The following PALM2AKAP2 variants were observed in gnomAD, a reference collection of about 807,000 sequenced individuals.
The protein encoded by PALM2AKAP2 is PALM2 and AKAP2 fusion, also known as PALM2-AKAP2 fusion protein.
Under a neutral mutation model 71.5 loss-of-function variants are expected in PALM2AKAP2, and 37 were observed. The ratio of observed to expected loss-of-function variants is 0.52; its 90% CI spans 0.40 to 0.68. The LOEUF (loss-of-function observed/expected upper bound fraction) is 0.68, where lower values mean the gene tolerates loss of function less well. Among genes scored for constraint, PALM2AKAP2 ranks in the 30% least tolerant of loss-of-function variants. The probability of loss-of-function intolerance (pLI) is 0.00; values close to 1 mark genes in which losing one functional copy is unlikely to be tolerated. For synonymous variants in PALM2AKAP2, 468 were observed against 478.8 expected (o/e 0.98, Z 0.29); for missense variants, 1,224 against 1,191.8 (o/e 1.03, Z -0.40).
In PALM2AKAP2 at chr9:110,005,258, G is replaced by A. The variant is rs550836988; in HGVS notation, c.497-10696G>A. Among the ~76,000 whole-genome samples, 193 of 152,364 alleles carry A rather than the reference G, an allele frequency of 1.3e-3. 1 individual carries two copies. Among genetic ancestry groups the A allele is most frequent in the African/African-American group, 4.4e-3 (185 of 41,584 alleles). Reference sequence around the variant, plus strand: ...TTCCTTCTAACAGTCAGGACCCTCAGCTGCAGGTCTGTTGGAGTTTGGTGA... The same window carrying A: ...TTCCTTCTAACAGTCAGGACCCTCAACTGCAGGTCTGTTGGAGTTTGGTGA... On this transcript the variant is annotated intron_variant, in intron 6 of 9. Transcript: ENST00000302798.
In PALM2AKAP2 at chr9:109,766,171, T is replaced by G. The variant is rs142730585; in HGVS notation, c.6-14317T>G. Among the ~76,000 whole-genome samples the G allele has an allele frequency of 1.7e-3, 254 of 152,310 alleles. 1 individual carries two copies. The highest frequency in any genetic ancestry group is 5.6e-3 in the African/African-American group (234 of 41,566). On this transcript the variant is annotated intron_variant, in intron 1 of 6. Transcript: ENST00000374531. ...TATGCACTGAGCACTTAGCTCTTTA[T>G]ATTGTGGAGCTCAGGGTCAACGTTT... is the stretch of plus-strand genomic sequence containing the variant.
chr9:109,971,283 C>CTTTTTTTTTTT (rs11392589), intron 6 of PALM2AKAP2, among the ~76,000 whole-genome samples: 1 of 45,678 alleles, frequency 2.2e-5, no homozygotes, highest in African/African-American at 1.2e-4. Flanking sequence ...CTCTTAGTCC[C>CTTTTTTTTTTT]TTTTTTTTTT....
chr9:109,764,415 C>T (rs1190736474), intron 1 of PALM2AKAP2, among the ~76,000 whole-genome samples: 2 of 152,114 alleles, frequency 1.3e-5, no homozygotes, highest in Non-Finnish European at 2.9e-5. Context: ...TTCTCTCTGC[C>T]TATATACTAC....
chr9:109,807,390 G>A (rs1827606390), intron 1 of PALM2AKAP2, among the ~76,000 whole-genome samples: 1 of 152,120 alleles, frequency 6.6e-6, no homozygotes, highest in African/African-American at 2.4e-5. Context: ...AGACTGGGTG[G>A]CTTATATACA....
In PALM2AKAP2 at chr9:110,014,800, AAAAATGTATATATATATATAT is replaced by A. The variant is rs1727320377; in HGVS notation, c.497-1152_497-1132del. 2.9e-4 allele frequency among the ~76,000 whole-genome samples: 15 copies of A among 51,708 alleles called. 1 individual carries two copies. The highest frequency in any genetic ancestry group is 1.0e-3 in the African/African-American group (14 of 13,712). The allele number at this position is 51,708 out of a possible 152,430, so 33.9% of individuals were successfully genotyped here. On this transcript the variant is annotated intron_variant, in intron 6 of 9. Coordinates refer to the PALM2AKAP2 transcript ENST00000302798. The stretch of plus-strand genomic sequence containing the variant: ...GTCTCAAAAAAAAAAAAAAAAAAAA[AAAAATGTATATATATATATAT>A]ATATATATATATATATATATATATA...
chr9:110,036,100 GT>G (rs1300981855), intron 7 of PALM2AKAP2, among the ~76,000 whole-genome samples: 1 of 151,738 alleles, frequency 6.6e-6, no homozygotes, highest in Admixed American at 6.6e-5. Context: ...CGCCCGGCTA[GT>G]TTTTTTGGTA....
At chr9:110,096,134 G>T (rs1007981098) in intron 1 of PALM2AKAP2, among the ~76,000 whole-genome samples, 1 of 152,218 alleles carries the variant, frequency 6.6e-6, no homozygotes, top group East Asian at 1.9e-4. Flanking sequence ...GAAACTGCAT[G>T]ATTAATGTCA....
intron 1 of PALM2AKAP2, among the ~76,000 whole-genome samples, chr9:110,108,138 G>A (rs1172826712): frequency 5.2e-5 from 6 of 116,458 alleles, no homozygotes; most frequent in African/African-American, 1.9e-4. Context: ...TTTTTGAGAT[G>A]GAGTTTTGCT....
At chr9:110,068,798 G>A (rs1388132921) in intron 1 of PALM2AKAP2, among the ~76,000 whole-genome samples, 2 of 152,180 alleles carry the variant, frequency 1.3e-5, no homozygotes, top group Non-Finnish European at 2.9e-5. Context: ...CTCCCAAAGT[G>A]TTGGGATTAT....
At chr9:109,695,048 T>G (rs1827950930) in intron 1 of PALM2AKAP2, among the ~76,000 whole-genome samples, 1 of 152,118 alleles carries the variant, frequency 6.6e-6, no homozygotes, top group Non-Finnish European at 1.5e-5. Flanking sequence ...CCAGATCAAA[T>G]ATTTAAATGT....
intron 3 of PALM2AKAP2, among the ~76,000 whole-genome samples, chr9:109,891,867 G>A (rs1830098215): frequency 6.6e-6 from 1 of 152,220 alleles, no homozygotes; most frequent in African/African-American, 2.4e-5. Context: ...GCATATGAAA[G>A]GGAGTGGTCA....
At chr9:109,943,664 C>T (rs1344048414) in intron 6 of PALM2AKAP2, 4 of 508,764 alleles carry the variant, frequency 7.9e-6, no homozygotes, top group African/African-American at 5.7e-5. Flanking sequence ...CTTGTGTCTT[C>T]AAGAGTGAAT....
At chr9:109,762,758 A>C (rs1283150801) in intron 1 of PALM2AKAP2, among the ~76,000 whole-genome samples, 1 of 152,242 alleles carries the variant, frequency 6.6e-6, no homozygotes, top group Non-Finnish European at 1.5e-5. Flanking sequence ...GAAATTTTAA[A>C]AAGGAAAATA....
chr9:109,923,089 C>G (rs1273796568), intron 3 of PALM2AKAP2, among the ~76,000 whole-genome samples: 1 of 152,200 alleles, frequency 6.6e-6, no homozygotes, highest in Non-Finnish European at 1.5e-5. Flanking sequence ...AGCTGCTATT[C>G]TGGAATATTT....
chr9:110,141,072 C>T (rs1267262186), intron 2 of PALM2AKAP2, among the ~76,000 whole-genome samples: 1 of 152,214 alleles, frequency 6.6e-6, no homozygotes, highest in Middle Eastern at 3.2e-3. Flanking sequence ...AACTTTATTT[C>T]TAGCACATAA....
chr9:109,793,093 A>G (rs10816867), intron 1 of PALM2AKAP2, among the ~76,000 whole-genome samples: 25,017 of 152,248 alleles, frequency 0.16, 2,702 homozygotes, highest in East Asian at 0.34. Flanking sequence ...TTTAAATAGT[A>G]GCATGTTTAT....
At chr9:110,024,570 G>C (rs1290859503) in intron 7 of PALM2AKAP2, among the ~76,000 whole-genome samples, 1 of 152,154 alleles carries the variant, frequency 6.6e-6, no homozygotes, top group East Asian at 1.9e-4. Context: ...GATCACTAGA[G>C]CCCAGGAGTT....
chr9:109,765,703 G>C (rs896496289), intron 1 of PALM2AKAP2: 1 of 152,226 alleles, frequency 6.6e-6, no homozygotes, highest in African/African-American at 2.4e-5. Context: ...TCTCAAACTT[G>C]AATTGTGCAC....
chr9:109,700,502 C>A (rs966178110), intron 1 of PALM2AKAP2, among the ~76,000 whole-genome samples: 77 of 152,192 alleles, frequency 5.1e-4, no homozygotes, highest in Non-Finnish European at 4.6e-4. Flanking sequence ...TGCATGAGAA[C>A]AGACTAATAC....
Sources: gnomAD v4.1 joint callset for allele counts (sites outside exome capture counted in the v4.1 genomes callset) on GRCh38, gnomAD v4.1.1 for gene constraint, MANE v1.5 for transcripts, NCBI Gene and HGNC (gene_info 2026-07-23, HGNC 2026-07-21) for gene names.